SEC14L1: variants seen among roughly 807,000 people sequenced by gnomAD.
The protein encoded by SEC14L1 is SEC14-like protein 1.
SEC14L1 carries 48 observed loss-of-function variants against 85.3 expected under a neutral mutation model. The observed-to-expected ratio is 0.56, with a 90% CI of 0.45 to 0.72. The LOEUF (loss-of-function observed/expected upper bound fraction) is 0.72. Among genes scored for constraint, SEC14L1 ranks in the 30% least tolerant of loss-of-function variants. The pLI is 0.00. For synonymous variants in SEC14L1, 391 were observed against 355.5 expected (o/e 1.10, Z -1.12); for missense variants, 682 against 921.4 (o/e 0.74, Z 3.36).
At chr17:77,089,739 G>C (rs1430656025) in intron 2 of SEC14L1, 4 of 263,108 alleles carry the variant, frequency 1.5e-5, no homozygotes, top group Non-Finnish European at 3.0e-5. Context: ...AATTCAGCCA[G>C]GTGCAGTGGC....
intron 6 of SEC14L1, 82 bp downstream of exon 6, chr17:77,193,631 T>A: frequency 7.1e-7 from 1 of 1,406,824 alleles, no homozygotes; most frequent in Non-Finnish European, 9.8e-7. Flanking sequence ...TGGGGATGGC[T>A]TAGCAAGGGA....
chr17:77,111,085 C>T (rs531786722), intron 3 of SEC14L1, among the ~76,000 whole-genome samples: 150 of 150,546 alleles, frequency 1.0e-3, no homozygotes, highest in Admixed American at 2.2e-3. Flanking sequence ...CCCAGCTACT[C>T]GGGAAGCTGA....
At chr17:77,204,456 G>A (rs1976355041) in intron 10 of SEC14L1, among the ~76,000 whole-genome samples, 1 of 150,706 alleles carries the variant, frequency 6.6e-6, no homozygotes, top group South Asian at 2.1e-4. Flanking sequence ...CTGATCTCAG[G>A]TGATCCTCCC....
intron 3 of SEC14L1, among the ~76,000 whole-genome samples, chr17:77,159,105 C>G (rs1321488725): frequency 2.0e-5 from 3 of 150,250 alleles, no homozygotes; most frequent in Non-Finnish European, 4.4e-5. Context: ...TTCACTCTGT[C>G]ACCCAGGCTG....
chr17:77,153,872 C>T (rs1973684849), intron 3 of SEC14L1, among the ~76,000 whole-genome samples: 1 of 152,104 alleles, frequency 6.6e-6, no homozygotes, highest in African/African-American at 2.4e-5. Flanking sequence ...TGATTTTTGA[C>T]CTGTACGCTA....
At chr17:77,114,969 T>C (rs1029723159) in intron 3 of SEC14L1, among the ~76,000 whole-genome samples, 33 of 151,928 alleles carry the variant, frequency 2.2e-4, no homozygotes, top group African/African-American at 7.5e-4. Context: ...AAGAGAACTG[T>C]TTTCTTGTTT....
chr17:77,104,028 C>T (rs140373598), intron 3 of SEC14L1, among the ~76,000 whole-genome samples: 257 of 152,042 alleles, frequency 1.7e-3, no homozygotes, highest in African/African-American at 6.1e-3. Context: ...GGCCCTCCCT[C>T]TCTTCCCACC....
chr17:77,098,959 T>C (rs1262156908), intron 3 of SEC14L1: 2 of 152,242 alleles, frequency 1.3e-5, no homozygotes, highest in Non-Finnish European at 2.9e-5. Flanking sequence ...TTGGGTTTGA[T>C]GTGGTTACAT....
intron 3 of SEC14L1, among the ~76,000 whole-genome samples, chr17:77,097,293 C>T (rs1015054586): frequency 3.3e-5 from 5 of 152,140 alleles, no homozygotes; most frequent in African/African-American, 9.7e-5. Context: ...TGGCCGGGCA[C>T]GGTGGCTCAC....
intron 3 of SEC14L1, among the ~76,000 whole-genome samples, chr17:77,190,373 C>G (rs1325545590): frequency 6.6e-6 from 1 of 152,156 alleles, no homozygotes; most frequent in Non-Finnish European, 1.5e-5. Context: ...ATCTGTATGT[C>G]AGTTACCCCT....
At chr17:77,152,185 AC>A (rs1468255350) in intron 3 of SEC14L1, among the ~76,000 whole-genome samples, 2 of 152,076 alleles carry the variant, frequency 1.3e-5, no homozygotes, top group Admixed American at 1.3e-4. Flanking sequence ...GCTTAAGATT[AC>A]TAAGGCAGAC....
intron 3 of SEC14L1, among the ~76,000 whole-genome samples, chr17:77,178,209 C>T (rs1406296138): frequency 2.6e-5 from 4 of 152,012 alleles, no homozygotes; most frequent in Non-Finnish European, 4.4e-5. Flanking sequence ...AGACCGTCGT[C>T]AGTAATTTTG....
intron 13 of SEC14L1, among the ~76,000 whole-genome samples, chr17:77,208,547 C>A (rs193204264): frequency 6.6e-6 from 1 of 152,322 alleles, no homozygotes; most frequent in African/African-American, 2.4e-5. Flanking sequence ...TTCTTCACCT[C>A]TCTCCTGAGC....
rs1976472455 is a variant in SEC14L1, at chr17:77,206,547, TAAGA to T, written c.1341+151_1341+154del. 3 of 1,283,700 alleles carry T rather than the reference TAAGA, an allele frequency of 2.3e-6. No homozygotes were observed. The highest frequency in any genetic ancestry group is 3.2e-6 in the Non-Finnish European group (3 of 941,186). 79.5% of individuals were successfully genotyped at this position (1,283,700 alleles called of 1,614,324 possible). ...AAGATATAAAATTTCTCAAATTGTT[TAAGA>T]AAGGGGAAAAACAAAATGTGAGTGT... On this transcript the variant is annotated intron_variant, in intron 12 of 16. Coordinates refer to ENST00000436233, the MANE Select transcript of SEC14L1 (RefSeq NM_001143998.2). The surrounding 1 kb of genome is among the most constrained non-coding windows in gnomAD (Gnocchi z 4.3).
At chr17:77,096,237 T>C (rs531980635) in intron 3 of SEC14L1, among the ~76,000 whole-genome samples, 29 of 151,802 alleles carry the variant, frequency 1.9e-4, no homozygotes, top group African/African-American at 5.3e-4. Context: ...TAATTAAATA[T>C]GTGGTTAAGA....
In SEC14L1 at chr17:77,212,094, T is replaced by C; in HGVS notation, c.1756T>C (p.Ser586Pro). The part of the protein sequence containing the change: ...KDSLGAHSIT[S>P]PGGNNVQLID... ...CTCCCTGGGAGCCCACAGCATCACC[T>C]CTCCGGGTGGGAACAATGTGCAGCT... The change falls in exon 15 of 17, where the codon TCT becomes CCT. Residue 586 changes from serine (S) to proline (P), a missense_variant. Physicochemically the swap from Ser to Pro is moderately conservative, Grantham distance 74. Around this residue, in one of 3 missense-constraint regions of SEC14L1, gnomAD observed 420 missense variants for 619.5 expected, o/e 0.68. Coordinates refer to ENST00000436233, the MANE Select transcript of SEC14L1 (RefSeq NM_001143998.2). 6.2e-7 allele frequency: 1 copy of C among 1,614,016 alleles called. No individual in the cohort carries two copies. The highest frequency in any genetic ancestry group is 8.5e-7 in the Non-Finnish European group (1 of 1,180,040).
intron 3 of SEC14L1, among the ~76,000 whole-genome samples, chr17:77,177,142 A>G (rs73998638): frequency 0.017 from 2,607 of 152,044 alleles, 90 homozygotes; most frequent in African/African-American, 0.059. Flanking sequence ...AGGCACCATG[A>G]AAGTTACTGA....
At chr17:77,116,234 T>G (rs920128743) in intron 3 of SEC14L1, among the ~76,000 whole-genome samples, 2 of 152,194 alleles carry the variant, frequency 1.3e-5, no homozygotes, top group Non-Finnish European at 2.9e-5. Flanking sequence ...TACATATTTT[T>G]AAATGCTGTA....
At chr17:77,105,373 A>ACCC (rs796673679) in intron 3 of SEC14L1, among the ~76,000 whole-genome samples, 32 of 82,444 alleles carry the variant, frequency 3.9e-4, no homozygotes, top group African/African-American at 1.4e-3. Flanking sequence ...CTCGCTGACC[A>ACCC]CCCCCCCCCC....
Sources: allele counts gnomAD v4.1 joint callset (sites outside exome capture counted in the v4.1 genomes callset), GRCh38; gene constraint gnomAD v4.1.1; regional missense constraint gnomAD v4.1.1; non-coding constraint Gnocchi (gnomAD v3.1); transcripts MANE v1.5; gene names NCBI Gene and HGNC (gene_info 2026-07-23, HGNC 2026-07-21).